FOXP2: variants seen among roughly 807,000 people sequenced by gnomAD.
The protein encoded by FOXP2 is forkhead box protein P2.
FOXP2 carries 12 observed loss-of-function variants against 115.8 expected under a neutral mutation model. That is an observed-to-expected ratio of 0.10 (90% CI 0.07 to 0.17). The LOEUF (loss-of-function observed/expected upper bound fraction) is 0.17. Ranked by LOEUF, FOXP2 falls within the 10% of genes least tolerant of loss-of-function variation. The pLI is 1.00. For missense variants in FOXP2, 629 were observed against 843.5 expected (o/e 0.75, Z 3.15); for synonymous variants, 328 against 297.7 (o/e 1.10, Z -1.05).
At position 114,317,613 on chromosome 7, in the gene FOXP2, C is replaced by A. The variant is rs114617733; in HGVS notation, c.-11+29504C>A. Among the ~76,000 whole-genome samples, 782 of 152,258 alleles carry A rather than the reference C, an allele frequency of 5.1e-3. 8 individuals carry two copies. The highest frequency in any genetic ancestry group is 0.018 in the African/African-American group (752 of 41,536). On this transcript the variant is annotated intron_variant, in intron 2 of 17. Transcript: ENST00000634411. Reference sequence around the variant, plus strand: ...TAGTTAGTCTAAGTCTACAATTGATCCCCTGCAGTCTGTTTTTGTTCAGCA... The same window carrying A: ...TAGTTAGTCTAAGTCTACAATTGATACCCTGCAGTCTGTTTTTGTTCAGCA...
intron 1 of FOXP2, among the ~76,000 whole-genome samples, chr7:114,223,870 T>A (rs1794683363): frequency 6.6e-6 from 1 of 151,948 alleles, no homozygotes; most frequent in Non-Finnish European, 1.5e-5. Flanking sequence ...AAAATTTTTT[T>A]ATGGTTAGAA....
intron 16 of FOXP2, among the ~76,000 whole-genome samples, chr7:114,677,183 A>G (rs1411449195): frequency 6.6e-6 from 1 of 151,238 alleles, no homozygotes; most frequent in Non-Finnish European, 1.5e-5. Flanking sequence ...AAAAAAAAAA[A>G]AAACAAAAAA....
intron 2 of FOXP2, among the ~76,000 whole-genome samples, chr7:114,494,399 G>A (rs1797214855): frequency 6.6e-6 from 1 of 151,980 alleles, no homozygotes; most frequent in South Asian, 2.1e-4. Context: ...GTCCAGGCTG[G>A]CCTCCCAAAT....
intron 2 of FOXP2, among the ~76,000 whole-genome samples, chr7:114,474,820 A>G (rs1375951696): frequency 6.6e-6 from 1 of 151,954 alleles, no homozygotes; most frequent in Non-Finnish European, 1.5e-5. Context: ...TTGTCTGTCA[A>G]TCTCACATAT....
intron 3 of FOXP2, among the ~76,000 whole-genome samples, chr7:114,608,586 T>C (rs1298947951): frequency 6.6e-6 from 1 of 152,192 alleles, no homozygotes; most frequent in Admixed American, 6.5e-5. Flanking sequence ...TTCTATTAGC[T>C]AGAAACAAGT....
chr7:114,652,153 C>G (rs1806299169), intron 8 of FOXP2, 50 bp from the exon 9 acceptor site: 2 of 1,564,786 alleles, frequency 1.3e-6, no homozygotes, highest in Non-Finnish European at 1.8e-6. Context: ...GCCTATGCCA[C>G]TAAGATCGAC....
At chr7:114,271,464 T>G (rs1257748987) in intron 1 of FOXP2, among the ~76,000 whole-genome samples, 1 of 139,268 alleles carries the variant, frequency 7.2e-6, no homozygotes, top group Non-Finnish European at 1.5e-5. Flanking sequence ...ATTCCTGGTT[T>G]ACTGAGAGGA....
chr7:114,368,328 C>CT (rs901816260), intron 2 of FOXP2, among the ~76,000 whole-genome samples: 3 of 152,008 alleles, frequency 2.0e-5, no homozygotes, highest in Non-Finnish European at 4.4e-5. Flanking sequence ...ATATATATGG[C>CT]TTTTTTAAAA....
intron 2 of FOXP2, among the ~76,000 whole-genome samples, chr7:114,359,495 G>A (rs1010222649): frequency 1.3e-4 from 20 of 152,210 alleles, no homozygotes; most frequent in African/African-American, 3.6e-4. Context: ...TCCACTGACA[G>A]CTTGTACCAT....
At position 114,143,465 on chromosome 7, in the gene FOXP2, C is replaced by T. The variant is rs544723240; in HGVS notation, c.-246-19479C>T. 2.0e-5 allele frequency among the ~76,000 whole-genome samples: 3 copies of T among 152,066 alleles called. No homozygotes were observed. In the East Asian group the frequency reaches 5.8e-4, roughly 29 times the overall value. On this transcript the variant is annotated intron_variant, in intron 1 of 19. Transcript: ENST00000635638. ...TAGTAACAAACAATGCCCCCCCACC[C>T]CCAGTCTATTTGGATTGGTATGACA... is the stretch of plus-strand genomic sequence containing the variant.
intron 2 of FOXP2, among the ~76,000 whole-genome samples, chr7:114,389,262 G>A (rs943845621): frequency 2.6e-5 from 4 of 152,174 alleles, no homozygotes; most frequent in Admixed American, 1.3e-4. Flanking sequence ...GACACATTGT[G>A]CAGTTTTCTA....
intron 1 of FOXP2, among the ~76,000 whole-genome samples, chr7:114,103,875 CCATT>C (rs1277762183): frequency 6.6e-6 from 1 of 151,950 alleles, no homozygotes; most frequent in Non-Finnish European, 1.5e-5. Flanking sequence ...CCCATAATAG[CCATT>C]CCTTCAATCT....
intron 6 of FOXP2, among the ~76,000 whole-genome samples, chr7:114,640,179 C>A (rs1026367274): frequency 6.6e-6 from 1 of 152,078 alleles, no homozygotes; most frequent in African/African-American, 2.4e-5. Flanking sequence ...TAACATACAC[C>A]AACAGATAAT....
chr7:114,692,399 C>T lies in FOXP2; in HGVS notation c.*2473C>T. On this transcript the variant is annotated 3_prime_UTR_variant, in exon 17 of 17. Transcript: ENST00000350908. Reference sequence around the variant, plus strand: ...TATACCAGAAAAACCTCCAAAACTGCAATTGCTTTGAAAATAGATTTTAGG... The same window carrying T: ...TATACCAGAAAAACCTCCAAAACTGTAATTGCTTTGAAAATAGATTTTAGG... 2.2e-6 allele frequency: 1 copy of T among 451,266 alleles called. No homozygotes were observed. Among genetic ancestry groups the T allele is most frequent in the South Asian group, 1.6e-5 (1 of 63,590 alleles). 28.0% of individuals were successfully genotyped at this position (451,266 alleles called of 1,614,324 possible).
At chr7:114,245,718 C>CT (rs1282316334) in intron 1 of FOXP2, among the ~76,000 whole-genome samples, 2 of 151,990 alleles carry the variant, frequency 1.3e-5, no homozygotes, top group East Asian at 1.9e-4. Context: ...AACTGAAAGA[C>CT]TTTTTTTGTT....
chr7:114,373,127 G>A (rs1415932397), intron 2 of FOXP2, among the ~76,000 whole-genome samples: 1 of 151,934 alleles, frequency 6.6e-6, no homozygotes, highest in Non-Finnish European at 1.5e-5. Flanking sequence ...TGAGTAGCTG[G>A]GACTACAGGC....
Position 114,469,666 on chromosome 7 carries a change from T to C in FOXP2, c.168+42987T>C, listed in dbSNP as rs574998287. ...AGATGTTTTGTGCATTAGGAAGCAA[T>C]GAAGATTATAGAAAGTGTGTAACTG... is the stretch of plus-strand genomic sequence containing the variant. On this transcript the variant is annotated intron_variant, in intron 2 of 16. Transcript: ENST00000350908. Among the ~76,000 whole-genome samples, 230 of 152,314 alleles carry C rather than the reference T, an allele frequency of 1.5e-3. 3 individuals are homozygous for C. In the South Asian group the frequency reaches 0.031, roughly 20 times the overall value.
chr7:114,174,273 C>A (rs191494613), intron 1 of FOXP2, among the ~76,000 whole-genome samples: 49 of 151,976 alleles, frequency 3.2e-4, no homozygotes, highest in African/African-American at 1.0e-3. Flanking sequence ...TATGTAGCCA[C>A]TTATTCTATT....
intron 2 of FOXP2, among the ~76,000 whole-genome samples, chr7:114,362,024 G>T (rs1225414986): frequency 6.6e-6 from 1 of 152,002 alleles, no homozygotes; most frequent in Non-Finnish European, 1.5e-5. Context: ...TGGAAAAAAG[G>T]TTCAAAAATA....
Sources: allele counts gnomAD v4.1 joint callset (sites outside exome capture counted in the v4.1 genomes callset), GRCh38; gene constraint gnomAD v4.1.1; transcripts MANE v1.5; gene names NCBI Gene and HGNC (gene_info 2026-07-23, HGNC 2026-07-21).